Variants in STXBP5 observed in about 807,000 individuals in gnomAD.
STXBP5 encodes the protein syntaxin-binding protein 5.
Under a neutral mutation model 152.4 loss-of-function variants are expected in STXBP5, and 50 were observed. That is an observed-to-expected ratio of 0.33 (90% CI 0.26 to 0.42). The LOEUF is 0.42. STXBP5 is among the 10% of genes least tolerant of loss of function. STXBP5 has a pLI of 1.00. For missense variants in STXBP5, 1,167 were observed against 1,388.6 expected, an observed-to-expected ratio of 0.84 and a Z score of 2.54; for synonymous variants, 492 against 494.7, an observed-to-expected ratio of 0.99 and a Z score of 0.07.
chr6:147,231,002 A>G (rs1169536535), intron 2 of STXBP5, among the ~76,000 whole-genome samples: 1 of 151,654 alleles, frequency 6.6e-6, no homozygotes, highest in Non-Finnish European at 1.5e-5. Flanking sequence ...TTCTTCATTT[A>G]TTCCTCCCTT....
chr6:147,210,397 T>G (rs899072165), intron 2 of STXBP5, among the ~76,000 whole-genome samples: 2 of 151,816 alleles, frequency 1.3e-5, no homozygotes, highest in African/African-American at 4.8e-5. Flanking sequence ...TTTGTTTTGG[T>G]TTTTTTTGGC....
chr6:147,338,009 G>A (rs2128396316), intron 19 of STXBP5, among the ~76,000 whole-genome samples: 1 of 152,224 alleles, frequency 6.6e-6, no homozygotes, highest in South Asian at 2.1e-4. Flanking sequence ...AGTGTTATAT[G>A]TGGTGTCAAA....
intron 2 of STXBP5, among the ~76,000 whole-genome samples, chr6:147,221,465 T>C (rs886917351): frequency 6.6e-5 from 10 of 152,092 alleles, no homozygotes; most frequent in African/African-American, 2.2e-4. Flanking sequence ...ACAGGTCATT[T>C]TGTCAGTTTT....
At chr6:147,314,241 T>C in intron 12 of STXBP5, 23 bp from the exon 13 acceptor site, 1 of 1,594,680 alleles carries the variant, frequency 6.3e-7, no homozygotes, top group Middle Eastern at 1.7e-4. Context: ...CAAGTTGCTT[T>C]ATACAGTCAT....
chr6:147,218,016 A>G (rs1346257345), intron 2 of STXBP5, among the ~76,000 whole-genome samples: 6 of 152,178 alleles, frequency 3.9e-5, no homozygotes, highest in Non-Finnish European at 2.9e-5. Flanking sequence ...TGATGTGGCT[A>G]TCTTCATTTT....
chr6:147,229,575 A>T (rs1777891346), intron 2 of STXBP5, among the ~76,000 whole-genome samples: 1 of 151,894 alleles, frequency 6.6e-6, no homozygotes, highest in Non-Finnish European at 1.5e-5. Flanking sequence ...TTAATGTTAC[A>T]GGTCTTGCAT....
Position 147,314,315 on chromosome 6 carries a change from G to C in STXBP5, c.1345G>C (p.Glu449Gln). The change falls in exon 13 of 28, where the codon GAA becomes CAA. Residue 449 changes from glutamate (E) to glutamine (Q), a missense_variant. This residue lies in a region of STXBP5 where 833 missense variants were observed against 986.3 expected (regional missense o/e 0.84). Transcript: ENST00000321680. ...GGGCTTGGGTGCTCAAAGTTACCCA[G>C]AAATAATTATTACAGGGTAAGTAAA... ...NWGLGAQSYP[E>Q]IIITGHADGS... is the part of the protein sequence containing the mutation. 2 of 1,612,176 alleles carry C rather than the reference G, an allele frequency of 1.2e-6. No individual in the cohort carries two copies. The highest frequency in any genetic ancestry group is 1.7e-6 in the Non-Finnish European group (2 of 1,178,418).
intron 6 of STXBP5, among the ~76,000 whole-genome samples, chr6:147,265,772 G>T (rs1248651411): frequency 6.6e-6 from 1 of 152,022 alleles, no homozygotes; most frequent in Middle Eastern, 3.2e-3. Flanking sequence ...AACATACCTG[G>T]CCCTGTGTGT....
At chr6:147,247,619 ATAGT>A (rs2115259029) in intron 4 of STXBP5, among the ~76,000 whole-genome samples, 1 of 152,302 alleles carries the variant, frequency 6.6e-6, no homozygotes, top group Non-Finnish European at 1.5e-5. Context: ...AAAATTATCC[ATAGT>A]AAGGAGTCTC....
chr6:147,335,493 C>T (rs897272844), intron 19 of STXBP5, among the ~76,000 whole-genome samples: 4 of 152,036 alleles, frequency 2.6e-5, no homozygotes, highest in Non-Finnish European at 4.4e-5. Flanking sequence ...TATTAAATAC[C>T]ATGGGAGATG....
intron 4 of STXBP5, among the ~76,000 whole-genome samples, chr6:147,248,965 C>G (rs558923869): frequency 6.6e-6 from 1 of 152,084 alleles, no homozygotes; most frequent in Non-Finnish European, 1.5e-5. Context: ...TGTAGGAATA[C>G]CAGTGGCCTC....
At chr6:147,221,097 A>G (rs1777435741) in intron 2 of STXBP5, among the ~76,000 whole-genome samples, 1 of 152,068 alleles carries the variant, frequency 6.6e-6, no homozygotes, top group Admixed American at 6.5e-5. Flanking sequence ...TATGCAGTAT[A>G]TATTTACTGT....
At chr6:147,316,878 AAT>A (rs1475653799) in intron 16 of STXBP5, among the ~76,000 whole-genome samples, 1 of 152,140 alleles carries the variant, frequency 6.6e-6, no homozygotes, top group Non-Finnish European at 1.5e-5. Flanking sequence ...CCTAAATTTA[AAT>A]ATATCTTGCT....
At chr6:147,335,153 C>T (rs191060885) in intron 19 of STXBP5, among the ~76,000 whole-genome samples, 1 of 152,050 alleles carries the variant, frequency 6.6e-6, no homozygotes, top group Non-Finnish European at 1.5e-5. Context: ...CTTTAAACTT[C>T]ATATTTAAAT....
rs1430512764 is a variant in STXBP5 at position 147,385,913 on chromosome 6, C to A, written c.*1158C>A. ...TATAAGAGTTTAGTCTGATGACCTA[C>A]AAAATATTTTGTGTAGAAATATACT... On this transcript the variant is annotated 3_prime_UTR_variant, in exon 28 of 28. Coordinates refer to ENST00000321680, the MANE Select transcript of STXBP5 (RefSeq NM_001127715.4). The A allele has an allele frequency of 6.6e-6, 1 of 151,974 alleles. No individual in the cohort carries two copies. 9.4% of individuals were successfully genotyped at this position (151,974 alleles called of 1,614,324 possible).
At chr6:147,370,548 A>T (rs867838957) in intron 25 of STXBP5, among the ~76,000 whole-genome samples, 1 of 152,042 alleles carries the variant, frequency 6.6e-6, no homozygotes, top group African/African-American at 2.4e-5. Flanking sequence ...ATAGTGAAAA[A>T]CACAGAGATA....
At chr6:147,214,088 T>C (rs1266475218) in intron 2 of STXBP5, among the ~76,000 whole-genome samples, 2 of 152,204 alleles carry the variant, frequency 1.3e-5, no homozygotes, top group Non-Finnish European at 2.9e-5. Context: ...GTTATGGTGC[T>C]TTCTAATTTA....
chr6:147,208,267 A>G (rs1289127129), intron 2 of STXBP5, among the ~76,000 whole-genome samples: 4 of 152,156 alleles, frequency 2.6e-5, no homozygotes, highest in African/African-American at 4.8e-5. Context: ...CTTGCCAGTA[A>G]TACCACCTAG....
At chr6:147,346,218 G>T (rs1018463671) in intron 21 of STXBP5, among the ~76,000 whole-genome samples, 10 of 152,162 alleles carry the variant, frequency 6.6e-5, no homozygotes, top group African/African-American at 2.2e-4. Context: ...AGTTTCGTAA[G>T]TGATTCTGGG....
Sources: gnomAD v4.1 joint callset for allele counts (sites outside exome capture counted in the v4.1 genomes callset) on GRCh38, gnomAD v4.1.1 for gene constraint, gnomAD v4.1.1 regional missense constraint, MANE v1.5 for transcripts, NCBI Gene and HGNC (gene_info 2026-07-23, HGNC 2026-07-21) for gene names.